Variants in KLRG1 observed in about 807,000 individuals in gnomAD.
KLRG1 encodes killer cell lectin-like receptor subfamily G member 1.
A neutral mutation model predicts 21.8 loss-of-function variants in KLRG1; 16 were observed. The ratio of observed to expected loss-of-function variants is 0.73; its 90% confidence interval spans 0.50 to 1.11. The LOEUF is 1.11. KLRG1 is among the 50% of genes most tolerant of loss of function. The pLI is 0.00. For synonymous variants in KLRG1, 69 were observed against 75.9 expected (o/e 0.91, Z 0.47); for missense variants, 173 against 218.3 (o/e 0.79, Z 1.31).
the KLRG1 span, among the ~76,000 whole-genome samples, chr12:9,201,503 A>G: frequency 6.6e-6 from 1 of 152,324 alleles, no homozygotes; most frequent in Non-Finnish European, 1.5e-5. Flanking sequence ...GGAAATTATT[A>G]AATAGTTCTA....
At chr12:8,986,769 T>C (rs2137309012), upstream of KLRG1, among the ~76,000 whole-genome samples, 1 of 152,302 alleles carries the variant, frequency 6.6e-6, no homozygotes, top group East Asian at 1.9e-4. Flanking sequence ...ATCTCCAGTG[T>C]TGGAGATGGG....
chr12:9,183,602 A>C, the KLRG1 span, among the ~76,000 whole-genome samples: 1 of 152,074 alleles, frequency 6.6e-6, no homozygotes, highest in African/African-American at 2.4e-5. Flanking sequence ...GGATCTTGCT[A>C]TGTAGCCCAG....
intron 1 of KLRG1, among the ~76,000 whole-genome samples, chr12:8,968,694 A>G (rs1168479164): frequency 6.6e-6 from 1 of 152,236 alleles, no homozygotes; most frequent in Admixed American, 6.5e-5. Context: ...TTACCAAGAT[A>G]GCACATATTC....
At chr12:9,090,436 A>G in the KLRG1 span, 1 of 1,613,996 alleles carries the variant, frequency 6.2e-7, no homozygotes, top group Non-Finnish European at 8.5e-7. Flanking sequence ...TTCCTTCTCC[A>G]CTGGGACAGC....
the KLRG1 span, among the ~76,000 whole-genome samples, chr12:9,145,605 T>C: frequency 1.3e-5 from 2 of 152,356 alleles, no homozygotes; most frequent in East Asian, 1.9e-4. Flanking sequence ...TACAGTATCA[T>C]GTGTTTTTCT....
chr12:9,072,832 C>T, the KLRG1 span: 15 of 1,613,956 alleles, frequency 9.3e-6, no homozygotes, highest in Non-Finnish European at 1.3e-5. Context: ...AATGTGGCTG[C>T]TCCATATTTG....
At chr12:9,069,249 A>T in the KLRG1 span, among the ~76,000 whole-genome samples, 1 of 152,184 alleles carries the variant, frequency 6.6e-6, no homozygotes, top group South Asian at 2.1e-4. Context: ...AAATTTGTAA[A>T]CTATAATTCC....
the KLRG1 span, among the ~76,000 whole-genome samples, chr12:9,042,823 T>C: frequency 2.6e-5 from 4 of 152,100 alleles, no homozygotes; most frequent in South Asian, 2.1e-4. Flanking sequence ...CAATGTCTTA[T>C]AGAAAAGGAA....
the KLRG1 span, chr12:9,202,622 C>G: frequency 4.1e-5 from 66 of 1,613,932 alleles, no homozygotes; most frequent in Non-Finnish European, 5.3e-5. Flanking sequence ...TGAAATCTTG[C>G]GTAGGCCCCT....
intron 3 of KLRG1, among the ~76,000 whole-genome samples, chr12:9,003,685 G>A (rs1260667424): frequency 7.4e-6 from 1 of 135,348 alleles, no homozygotes; most frequent in Non-Finnish European, 1.7e-5. Flanking sequence ...GTGTTCAGAG[G>A]GTTTTTTTTT....
chr12:9,202,692 GCAAAGGATTTTTTACTA>G, the KLRG1 span: 49 of 1,612,176 alleles, frequency 3.0e-5, no homozygotes, highest in South Asian at 5.1e-4. Flanking sequence ...GAGCTAAAAA[GCAAAGGATTTTTTACTA>G]CTGAGGAACT....
the KLRG1 span, among the ~76,000 whole-genome samples, chr12:9,136,002 G>A: frequency 6.6e-6 from 1 of 152,080 alleles, no homozygotes; most frequent in Non-Finnish European, 1.5e-5. Context: ...GGAGCTCAAC[G>A]TTTTAAACAT....
chr12:9,046,946 C>T, the KLRG1 span, among the ~76,000 whole-genome samples: 1 of 152,164 alleles, frequency 6.6e-6, no homozygotes, highest in South Asian at 2.1e-4. Flanking sequence ...CCTCAATTTC[C>T]TGGACTCAAG....
chr12:9,067,917 G>T, the KLRG1 span: 1 of 1,373,566 alleles, frequency 7.3e-7, no homozygotes, highest in Non-Finnish European at 1.0e-6. Flanking sequence ...CTTAGTTCTG[G>T]GTAGCATAGT....
the KLRG1 span, among the ~76,000 whole-genome samples, chr12:9,138,233 G>A: frequency 5.9e-5 from 9 of 151,850 alleles, no homozygotes; most frequent in Admixed American, 1.3e-4. Context: ...AAAGAATGTT[G>A]AATTTTGTCA....
the KLRG1 span, among the ~76,000 whole-genome samples, chr12:9,202,922 A>C: frequency 6.6e-6 from 1 of 152,180 alleles, no homozygotes; most frequent in Non-Finnish European, 1.5e-5. Context: ...TAGTTATTAA[A>C]TTAGATGCCT....
At chr12:9,153,071 T>C in the KLRG1 span, 1 of 1,607,586 alleles carries the variant, frequency 6.2e-7, no homozygotes, top group East Asian at 2.2e-5. Context: ...AGAGTTTCCA[T>C]TTCAATTGGC....
the KLRG1 span, chr12:9,203,757 G>C: frequency 1.2e-6 from 2 of 1,613,814 alleles, no homozygotes; most frequent in Non-Finnish European, 1.7e-6. Context: ...AGCTGGCACC[G>C]TAGCACTCAC....
At chr12:9,199,380 A>C in the KLRG1 span, among the ~76,000 whole-genome samples, 1 of 152,182 alleles carries the variant, frequency 6.6e-6, no homozygotes, top group Non-Finnish European at 1.5e-5. Flanking sequence ...ATACATATGA[A>C]GAAAAGGAGA....
Sources: allele counts gnomAD v4.1 joint callset (sites outside exome capture counted in the v4.1 genomes callset), GRCh38; gene constraint gnomAD v4.1.1; transcripts MANE v1.5; gene names NCBI Gene and HGNC (gene_info 2026-07-23, HGNC 2026-07-21).